NAT10: variants seen among roughly 807,000 people sequenced by gnomAD.
The protein encoded by NAT10 is RNA cytidine acetyltransferase.
In NAT10, 109 loss-of-function variants were observed where a neutral mutation model predicts 132.2. That is an observed-to-expected ratio of 0.82 (90% CI 0.71 to 0.97). The LOEUF (loss-of-function observed/expected upper bound fraction) is 0.97, where lower values mean the gene tolerates loss of function less well. Ranked by LOEUF, NAT10 falls within the 50% of genes least tolerant of loss-of-function variation. The pLI is 0.00. For synonymous variants in NAT10, 479 were observed against 478.0 expected (o/e 1.00, Z -0.03); for missense variants, 1,184 against 1,263.4 (o/e 0.94, Z 0.95).
chr11:34,143,460 G>T lies in NAT10; in HGVS notation c.2901G>T (p.Gly967=). ...SMDLSEYIIR[G]DDEEWNEVLN... ...TTTTTTTTAGATACATAATCCGTGGGGACGATGAAGAGTGGAATGAAGTTT... is the reference window on the plus strand; with the variant it reads ...TTTTTTTTAGATACATAATCCGTGGTGACGATGAAGAGTGGAATGAAGTTT... The change falls in exon 28 of 29, where the codon GGG becomes GGT. Residue 967 remains glycine, a synonymous_variant. Transcript: ENST00000257829. The T allele has an allele frequency of 6.2e-7, 1 of 1,614,034 alleles. No homozygotes were observed. Among genetic ancestry groups the T allele is most frequent in the African/African-American group, 1.3e-5 (1 of 75,044 alleles).
At chr11:34,125,168 C>G (rs1319171863) in intron 11 of NAT10, among the ~76,000 whole-genome samples, 1 of 152,186 alleles carries the variant, frequency 6.6e-6, no homozygotes, top group African/African-American at 2.4e-5. Context: ...ATGCCTTTCA[C>G]CTTAATTTTT....
chr11:34,115,946 G>T (rs958617042), intron 6 of NAT10, 62 bp downstream of exon 6: 10 of 1,549,530 alleles, frequency 6.5e-6, no homozygotes, highest in Non-Finnish European at 8.9e-6. Context: ...TTTTATCTTG[G>T]ACTCAACTGA....
intron 4 of NAT10, 58 bp from the exon 5 acceptor site, chr11:34,113,658 A>G: frequency 6.6e-7 from 1 of 1,518,268 alleles, no homozygotes; most frequent in Non-Finnish European, 8.8e-7. Context: ...AAAAAAAAAA[A>G]AAGTCCTTTG....
At position 34,131,513 on chromosome 11, in the gene NAT10, T is replaced by G. The variant is rs768605764; in HGVS notation, c.1502T>G (p.Leu501Trp). 76 of 1,613,884 alleles carry G rather than the reference T, an allele frequency of 4.7e-5. No individual in the cohort carries two copies. The highest frequency in any genetic ancestry group is 6.1e-5 in the Non-Finnish European group (72 of 1,179,966). ...ACTCGGATAGTCTCAGGCTGCCCCT[T>G]GCCTGAAGCTTGTGAACTGTATCCT... is the stretch of plus-strand genomic sequence containing the variant. ...NITRIVSGCP[L>W]PEACELYYVN... The change falls in exon 14 of 29, where the codon TTG (leucine) becomes TGG (tryptophan). Residue 501 changes from leucine to tryptophan, a missense_variant. Coordinates refer to ENST00000257829, the MANE Select transcript of NAT10 (RefSeq NM_024662.3).
intron 3 of NAT10, among the ~76,000 whole-genome samples, chr11:34,111,183 T>C (rs1008670070): frequency 3.3e-5 from 5 of 152,102 alleles, no homozygotes; most frequent in African/African-American, 1.2e-4. Context: ...TTTGTACCTC[T>C]TATAGCTCTT....
Position 34,133,209 on chromosome 11 carries a change from C to T in NAT10, c.1734+67C>T. The T allele has an allele frequency of 3.4e-6, 4 of 1,185,478 alleles. No individual in the cohort carries two copies. In the Admixed American group the frequency reaches 5.1e-5, roughly 15 times the overall value. 73.4% of individuals were successfully genotyped at this position (1,185,478 alleles called of 1,614,324 possible). On this transcript the variant is annotated intron_variant, in intron 16 of 28. Coordinates refer to ENST00000257829, the MANE Select transcript of NAT10 (RefSeq NM_024662.3). Reference sequence around the variant, plus strand: ...CCACTGAGGCATCAGGAATTAGTGGCTTAATAACTGCATTGTGGGAGTTTT... The same window carrying T: ...CCACTGAGGCATCAGGAATTAGTGGTTTAATAACTGCATTGTGGGAGTTTT...
chr11:34,116,787 G>T (rs1037907322), intron 6 of NAT10, among the ~76,000 whole-genome samples: 6 of 152,150 alleles, frequency 3.9e-5, no homozygotes, highest in African/African-American at 1.4e-4. Flanking sequence ...TAGAGACAAG[G>T]TTTCACCATG....
At chr11:34,128,634 C>T in intron 12 of NAT10, among the ~76,000 whole-genome samples, 1 of 152,188 alleles carries the variant, frequency 6.6e-6, no homozygotes, top group East Asian at 1.9e-4. Context: ...TTTGCTTACA[C>T]TGAAAATACT....
chr11:34,143,927 G>C (rs917051632), intron 28 of NAT10, among the ~76,000 whole-genome samples: 1 of 152,204 alleles, frequency 6.6e-6, no homozygotes, highest in African/African-American at 2.4e-5. Flanking sequence ...GCTCTCAGGG[G>C]TTAAGTTCCC....
intron 10 of NAT10, 52 bp downstream of exon 10, chr11:34,123,907 C>T (rs370810881): frequency 7.1e-5 from 100 of 1,415,114 alleles, no homozygotes; most frequent in South Asian, 9.2e-5. Flanking sequence ...TGGTGGCTCA[C>T]GCCTGTAATC....
intron 21 of NAT10, among the ~76,000 whole-genome samples, 169 bp downstream of exon 21, chr11:34,137,195 C>T (rs527431847): frequency 1.3e-5 from 2 of 152,340 alleles, no homozygotes; most frequent in South Asian, 2.1e-4. Flanking sequence ...TCCTCAGTGA[C>T]AGGCCACATC....
intron 28 of NAT10, 151 bp from the exon 29 acceptor site, chr11:34,145,933 G>T (rs1852431451): frequency 8.5e-6 from 5 of 588,204 alleles, no homozygotes; most frequent in South Asian, 4.1e-5. Context: ...CCCCTAATAG[G>T]TTTGCAGAGA....
At position 34,108,236 on chromosome 11, in the gene NAT10, A is replaced by G; in HGVS notation, c.11A>G (p.Lys4Arg). The G allele has an allele frequency of 6.2e-7, 1 of 1,613,920 alleles. No individual in the cohort carries two copies. Among genetic ancestry groups the G allele is most frequent in the Non-Finnish European group, 8.5e-7 (1 of 1,179,780 alleles). Residue 4 changes from lysine (K) to arginine (R), a missense_variant, in exon 2 of 29, where the codon AAA (lysine) becomes AGA (arginine). Physicochemically the swap from Lys to Arg is conservative, Grantham distance 26 (BLOSUM62 2). Transcript: ENST00000257829. MHR[K>R]KVDNRIRILI... The stretch of plus-strand genomic sequence containing the variant: ...TAATAATTTTTCACCATGCATCGGA[A>G]AAAGGTGGATAACCGAATCCGGATT...
chr11:34,136,162 A>C (rs149916189), intron 19 of NAT10, among the ~76,000 whole-genome samples: 12,613 of 151,296 alleles, frequency 0.083, 538 homozygotes, highest in Non-Finnish European at 0.094. Context: ...GCTCACTGCA[A>C]CCTCTGCCTC....
At chr11:34,128,074 A>G (rs908575302) in intron 12 of NAT10, among the ~76,000 whole-genome samples, 3 of 152,150 alleles carry the variant, frequency 2.0e-5, no homozygotes, top group African/African-American at 7.2e-5. Context: ...AATCACCTGT[A>G]GCCAGGTGCA....
chr11:34,141,061 C>A (rs1852318873), intron 24 of NAT10, 28 bp from the exon 25 acceptor site: 1 of 1,613,624 alleles, frequency 6.2e-7, no homozygotes, highest in South Asian at 1.1e-5. Flanking sequence ...GTCCTAGAGG[C>A]CCACCCAGCA....
Position 34,128,836 on chromosome 11 carries a change from G to C in NAT10, c.1244+1237G>C, listed in dbSNP as rs115258576. 3.2e-3 allele frequency among the ~76,000 whole-genome samples: 485 copies of C among 152,180 alleles called. 3 individuals carry two copies. The highest frequency in any genetic ancestry group is 0.011 in the African/African-American group (463 of 41,502). On this transcript the variant is annotated intron_variant, in intron 12 of 28. Coordinates refer to ENST00000257829, the MANE Select transcript of NAT10 (RefSeq NM_024662.3). ...AAGAAAGCCTGTGCATCCTCCTCCA[G>C]TTCCTCCACACCCCCCAACCCTAGG... is the stretch of plus-strand genomic sequence containing the variant.
Position 34,141,098 on chromosome 11 carries a change from T to C in NAT10, c.2602T>C (p.Leu868=), listed in dbSNP as rs1270828218. The C allele has an allele frequency of 6.2e-7, 1 of 1,613,922 alleles. No individual in the cohort carries two copies. Among genetic ancestry groups the C allele is most frequent in the Non-Finnish European group, 8.5e-7 (1 of 1,179,996 alleles). ...ATTTTCCATCCTTTAGGCTCTTCTC[T>C]TGGGGATTGGCCTGCAGCATAAGTC... ...ALSAAQSALL[L]GIGLQHKSVD... Residue 868 remains leucine, a synonymous_variant, in exon 25 of 29, where the codon TTG becomes CTG. Coordinates refer to ENST00000257829, the MANE Select transcript of NAT10 (RefSeq NM_024662.3).
chr11:34,127,696 T>A, intron 12 of NAT10, 97 bp downstream of exon 12: 5 of 1,432,658 alleles, frequency 3.5e-6, no homozygotes, highest in Non-Finnish European at 4.7e-6. Flanking sequence ...CAGCCAAGTC[T>A]GATTCTCAGA....
Sources: gnomAD v4.1 joint callset for allele counts (sites outside exome capture counted in the v4.1 genomes callset) on GRCh38, gnomAD v4.1.1 for gene constraint, MANE v1.5 for transcripts, NCBI Gene and HGNC (gene_info 2026-07-23, HGNC 2026-07-21) for gene names.